Variants in MICU3 observed in about 807,000 individuals in gnomAD.
The protein encoded by MICU3 is calcium uptake protein 3, mitochondrial.
Under a neutral mutation model 66.5 loss-of-function variants are expected in MICU3, and 62 were observed. That is an observed-to-expected ratio of 0.93 (90% CI 0.76 to 1.15). The LOEUF is 1.15. MICU3 is among the 50% of genes most tolerant of loss of function. The pLI, the probability that MICU3 is intolerant of heterozygous loss-of-function variation, is 0.00. For synonymous variants in MICU3, 308 were observed against 240.7 expected (o/e 1.28, Z -2.59); for missense variants, 779 against 664.4 (o/e 1.17, Z -1.90).
rs773024367 is a variant in MICU3, at chr8:17,116,574, A to C, written c.1498A>C (p.Lys500Gln). The change falls in exon 13 of 15, where the codon AAA (lysine) becomes CAA (glutamine). Residue 500 changes from lysine to glutamine, a missense_variant. Transcript: ENST00000318063. ...LSYKEFIGIM[K>Q]DRLHRGFRGY... is the part of the protein sequence containing the mutation. ...TTATAAAGAATTTATTGGAATTATG[A>C]AAGACAGACTCCATAGAGGATTCCG... 1.9e-6 allele frequency: 3 copies of C among 1,565,026 alleles called. No homozygotes were observed. The highest frequency in any genetic ancestry group is 2.6e-6 in the Non-Finnish European group (3 of 1,164,070).
At chr8:17,115,011 T>G (rs1366857490) in intron 12 of MICU3, among the ~76,000 whole-genome samples, 2 of 149,532 alleles carry the variant, frequency 1.3e-5, no homozygotes, top group African/African-American at 4.9e-5. Context: ...CCCAGCTACT[T>G]GGGAGGCTGA....
chr8:17,108,638 C>T (rs1346184489), intron 11 of MICU3, among the ~76,000 whole-genome samples: 2 of 152,194 alleles, frequency 1.3e-5, no homozygotes, highest in South Asian at 2.1e-4. Context: ...CTAGCCACCT[C>T]CACTGCTACC....
chr8:17,088,579 T>C (rs1290489452), intron 7 of MICU3, among the ~76,000 whole-genome samples: 1 of 152,012 alleles, frequency 6.6e-6, no homozygotes, highest in African/African-American at 2.4e-5. Context: ...TCTATTGATA[T>C]ACTTTAATGA....
At position 17,121,599 on chromosome 8, in the gene MICU3, C is replaced by A. The variant is rs192218570; in HGVS notation, c.*1312C>A. 2.6e-5 allele frequency: 4 copies of A among 152,210 alleles called. No individual in the cohort carries two copies. The highest frequency in any genetic ancestry group is 1.9e-4 in the East Asian group (1 of 5,180). 9.4% of individuals were successfully genotyped at this position (152,210 alleles called of 1,614,324 possible). A position where few individuals can be genotyped will look rare whatever the true frequency, so the allele number is the denominator to read the frequency against. ...TATTTAATGTAGGTTACATACACTC[C>A]AACTATTACTTTGCTTTTGCATATG... is the stretch of plus-strand genomic sequence containing the variant. On this transcript the variant is annotated 3_prime_UTR_variant, in exon 15 of 15. Coordinates refer to ENST00000318063, the MANE Select transcript of MICU3 (RefSeq NM_181723.3).
At chr8:17,135,067 T>C in the MICU3 span, among the ~76,000 whole-genome samples, 2,426 of 152,342 alleles carry the variant, frequency 0.016, 68 homozygotes, top group African/African-American at 0.055. Context: ...CTTACAATTA[T>C]GGTCTTTCCT....
At chr8:17,060,038 A>T (rs1817570592) in intron 1 of MICU3, among the ~76,000 whole-genome samples, 1 of 152,236 alleles carries the variant, frequency 6.6e-6, no homozygotes, top group Admixed American at 6.5e-5. Flanking sequence ...ACAGATTGAC[A>T]GGTACAGTGT....
intron 1 of MICU3, among the ~76,000 whole-genome samples, chr8:17,055,042 C>T (rs936040048): frequency 2.0e-5 from 3 of 152,060 alleles, no homozygotes; most frequent in South Asian, 4.2e-4. Context: ...CAGCCCCAAA[C>T]GTTTTCTTAA....
chr8:17,119,556 G>A (rs111327618), intron 14 of MICU3, among the ~76,000 whole-genome samples: 11 of 151,086 alleles, frequency 7.3e-5, no homozygotes, highest in South Asian at 2.1e-4. Context: ...TAGATAGATA[G>A]ATAGATAGAT....
chr8:17,109,955 T>G (rs1273704375), intron 11 of MICU3, among the ~76,000 whole-genome samples: 1 of 152,312 alleles, frequency 6.6e-6, no homozygotes, highest in East Asian at 1.9e-4. Flanking sequence ...AGCCAGTAAA[T>G]TTTGGAGTTT....
chr8:17,136,046 T>C, the MICU3 span, among the ~76,000 whole-genome samples: 1 of 152,120 alleles, frequency 6.6e-6, no homozygotes, highest in African/African-American at 2.4e-5. Context: ...TTATAGGACA[T>C]AGTTGAGATA....
intron 8 of MICU3, 62 bp downstream of exon 8, chr8:17,090,646 G>A: frequency 7.7e-7 from 1 of 1,305,394 alleles, no homozygotes. Flanking sequence ...ACTTGATAAT[G>A]TTATTTCTTT....
At chr8:17,071,205 A>G (rs1477330466) in intron 3 of MICU3, among the ~76,000 whole-genome samples, 1 of 152,122 alleles carries the variant, frequency 6.6e-6, no homozygotes, top group African/African-American at 2.4e-5. Flanking sequence ...CTGGGCTAGT[A>G]TAGTATACTA....
chr8:17,096,727 A>T (rs912627444), intron 8 of MICU3, among the ~76,000 whole-genome samples: 6 of 151,854 alleles, frequency 4.0e-5, no homozygotes, highest in African/African-American at 1.4e-4. Context: ...GACACTTGTA[A>T]AACTGTTACG....
intron 3 of MICU3, among the ~76,000 whole-genome samples, chr8:17,076,397 A>G (rs1165874647): frequency 1.3e-5 from 2 of 152,216 alleles, no homozygotes; most frequent in Admixed American, 1.3e-4. Context: ...TGTCTAAACA[A>G]TAAACATCCC....
chr8:17,105,584 G>T lies in MICU3; in HGVS notation c.1257G>T (p.Lys419Asn), dbSNP rs761070942. The change falls in exon 11 of 15, where the codon AAG (lysine) becomes AAT (asparagine). Residue 419 changes from lysine to asparagine, a missense_variant and splice_region_variant. Transcript: ENST00000318063. ...ENVRYSIPEE[K>N]GITFDEFRSF... is the part of the protein sequence containing the mutation. Reference sequence around the variant, plus strand: ...TGCGTTACAGTATACCTGAAGAAAAGGTATCTAATCCTCATATTTAGTTGG... The same window carrying T: ...TGCGTTACAGTATACCTGAAGAAAATGTATCTAATCCTCATATTTAGTTGG... 4.0e-6 allele frequency: 6 copies of T among 1,499,082 alleles called. No individual in the cohort carries two copies. The East Asian group carries it at 1.5e-4, about 36-fold the overall frequency. 92.9% of individuals were successfully genotyped at this position (1,499,082 alleles called of 1,614,324 possible).
At chr8:17,096,981 G>GTT (rs1323072330) in intron 8 of MICU3, among the ~76,000 whole-genome samples, 49 of 151,304 alleles carry the variant, frequency 3.2e-4, no homozygotes, top group Middle Eastern at 6.8e-3. Flanking sequence ...GTGTGTGTGT[G>GTT]TGTGTGTGTG....
At chr8:17,079,152 A>C (rs1340092264) in intron 4 of MICU3, among the ~76,000 whole-genome samples, 4 of 151,882 alleles carry the variant, frequency 2.6e-5, no homozygotes, top group African/African-American at 7.3e-5. Flanking sequence ...ACATGTTTGC[A>C]TTTTTTTCCC....
chr8:17,077,552 G>T (rs965787121), intron 3 of MICU3, among the ~76,000 whole-genome samples: 2 of 152,014 alleles, frequency 1.3e-5, no homozygotes, highest in African/African-American at 2.4e-5. Flanking sequence ...TGAAATTTTA[G>T]TTAGCTCTAA....
intron 1 of MICU3, among the ~76,000 whole-genome samples, chr8:17,056,334 T>C (rs974873895): frequency 3.3e-5 from 5 of 152,182 alleles, no homozygotes; most frequent in African/African-American, 1.2e-4. Context: ...AGTCTGGGTC[T>C]TGAAGTTGGT....
Sources: gnomAD v4.1 joint callset for allele counts (sites outside exome capture counted in the v4.1 genomes callset) on GRCh38, gnomAD v4.1.1 for gene constraint, MANE v1.5 for transcripts, NCBI Gene and HGNC (gene_info 2026-07-23, HGNC 2026-07-21) for gene names.